The following ELMO1 variants were observed in gnomAD, a reference collection of about 807,000 sequenced individuals.
ELMO1 encodes the protein engulfment and cell motility 1.
A neutral mutation model predicts 98.9 loss-of-function variants in ELMO1; 26 were observed. That is an observed-to-expected ratio of 0.26 (90% confidence interval 0.19 to 0.36). ELMO1 has a LOEUF of 0.36. Ranked by LOEUF, ELMO1 falls within the 10% of genes least tolerant of loss-of-function variation. The pLI is 1.00. For missense variants in ELMO1, 627 were observed against 935.2 expected (o/e 0.67, Z 4.30); for synonymous variants, 346 against 346.0 (o/e 1.00, Z 0.00).
intron 7 of ELMO1, among the ~76,000 whole-genome samples, chr7:37,237,569 C>T (rs943759827): frequency 3.3e-5 from 5 of 152,080 alleles, no homozygotes; most frequent in African/African-American, 4.8e-5. Flanking sequence ...GGATTACAGG[C>T]GTGAACCACC....
chr7:37,448,863 C>G lies in ELMO1; in HGVS notation c.-262G>C, dbSNP rs1267670124. The G allele has an allele frequency of 6.5e-6, 1 of 153,174 alleles. No homozygotes were observed. The highest frequency in any genetic ancestry group is 1.5e-5 in the Non-Finnish European group (1 of 68,824). The allele number at this position is 153,174 out of a possible 1,614,324, so 9.5% of individuals were successfully genotyped here. On this transcript the variant is annotated 5_prime_UTR_variant, in exon 1 of 22. Transcript: ENST00000310758. ...TCGCCCCAGCACACGCACTTACACT[C>G]TGGGTCGGCCGGCTGCTGCACCGCC...
intron 1 of ELMO1, among the ~76,000 whole-genome samples, chr7:37,392,144 T>A (rs10246325): frequency 0.99 from 150,677 of 152,128 alleles, 74,644 homozygotes; most frequent in East Asian, 1. Flanking sequence ...GATGGTAAAC[T>A]TTTTTTTTTA....
chr7:37,414,601 T>A (rs1562676390), intron 1 of ELMO1, among the ~76,000 whole-genome samples: 1 of 152,288 alleles, frequency 6.6e-6, no homozygotes, highest in Non-Finnish European at 1.5e-5. Context: ...CAAAGTCCAA[T>A]CCTGTTTGGC....
intron 16 of ELMO1, among the ~76,000 whole-genome samples, chr7:36,900,401 T>C (rs904555081): frequency 6.6e-6 from 1 of 152,224 alleles, no homozygotes; most frequent in Non-Finnish European, 1.5e-5. Flanking sequence ...ATGGTTGGTA[T>C]GAGCAATGTC....
intron 2 of ELMO1, among the ~76,000 whole-genome samples, chr7:37,333,576 G>C (rs1015520121): frequency 1.6e-4 from 24 of 152,286 alleles, no homozygotes; most frequent in African/African-American, 5.5e-4. Flanking sequence ...TGTTTGCTGT[G>C]TTTTTCTTCA....
chr7:37,118,676 T>C (rs921231381), intron 14 of ELMO1, among the ~76,000 whole-genome samples: 2 of 152,158 alleles, frequency 1.3e-5, no homozygotes, highest in African/African-American at 4.8e-5. Context: ...TTCACAAATG[T>C]TATTACAGAC....
At chr7:37,304,443 C>T (rs906009350) in intron 4 of ELMO1, among the ~76,000 whole-genome samples, 7 of 152,304 alleles carry the variant, frequency 4.6e-5, no homozygotes, top group East Asian at 1.9e-4. Context: ...CGTCTGGGCA[C>T]GGCGGCTCAC....
At chr7:37,403,417 G>A (rs1803614837) in intron 1 of ELMO1, among the ~76,000 whole-genome samples, 1 of 152,198 alleles carries the variant, frequency 6.6e-6, no homozygotes, top group South Asian at 2.1e-4. Context: ...CTGGTTTCCA[G>A]GGGTTTGGAG....
intron 13 of ELMO1, among the ~76,000 whole-genome samples, chr7:37,155,594 T>G (rs925021300): frequency 2.7e-5 from 4 of 150,132 alleles, no homozygotes; most frequent in African/African-American, 9.9e-5. Context: ...TACATAATGG[T>G]AAAGGGATCA....
At chr7:37,238,503 G>C (rs1457866169) in intron 7 of ELMO1, among the ~76,000 whole-genome samples, 2 of 152,104 alleles carry the variant, frequency 1.3e-5, no homozygotes, top group Non-Finnish European at 2.9e-5. Flanking sequence ...TCTATGAATA[G>C]AGGTAGTTTT....
At position 37,342,984 on chromosome 7, in the gene ELMO1, G is replaced by A. The variant is rs1051656022; in HGVS notation, c.-73-221C>T. Reference sequence around the variant, plus strand: ...GTGCCAACGCCCTTGAGTCAAAGCCGCCAGGAGACGCTGCCCTGTGGGGCA... The same window carrying A: ...GTGCCAACGCCCTTGAGTCAAAGCCACCAGGAGACGCTGCCCTGTGGGGCA... On this transcript the variant is annotated intron_variant, in intron 1 of 21. Coordinates refer to ENST00000310758, the MANE Select transcript of ELMO1 (RefSeq NM_014800.11). This position sits in a 1 kb window ranked among gnomAD's most constrained non-coding sequence, Gnocchi z 4.3. 11 of 346,574 alleles carry A rather than the reference G, an allele frequency of 3.2e-5. No individual in the cohort carries two copies. The highest frequency in any genetic ancestry group is 1.1e-4 in the African/African-American group (5 of 46,444). The allele number at this position is 346,574 out of a possible 1,614,324, so 21.5% of individuals were successfully genotyped here.
chr7:37,114,546 T>A (rs988079758), intron 14 of ELMO1, among the ~76,000 whole-genome samples: 5 of 152,046 alleles, frequency 3.3e-5, no homozygotes, highest in African/African-American at 1.2e-4. Flanking sequence ...CATGAAACAG[T>A]TAAATAGCAA....
chr7:37,308,368 G>T (rs1040117560), intron 4 of ELMO1, among the ~76,000 whole-genome samples: 1 of 152,188 alleles, frequency 6.6e-6, no homozygotes, highest in Admixed American at 6.5e-5. Context: ...GACAATCAGG[G>T]CATATGCAAA....
chr7:36,885,593 A>C (rs1175233472), intron 18 of ELMO1, among the ~76,000 whole-genome samples: 5 of 152,182 alleles, frequency 3.3e-5, no homozygotes, highest in African/African-American at 4.8e-5. Flanking sequence ...AAAATCTTAT[A>C]AATCATCTTT....
intron 5 of ELMO1, chr7:37,270,706 T>C (rs1796504231): frequency 6.6e-6 from 1 of 152,176 alleles, no homozygotes; most frequent in East Asian, 1.9e-4. Flanking sequence ...TCAGCTACAA[T>C]AGTCTAAATA....
intron 16 of ELMO1, among the ~76,000 whole-genome samples, chr7:36,921,626 A>G (rs1381190050): frequency 6.6e-6 from 1 of 152,296 alleles, no homozygotes; most frequent in East Asian, 1.9e-4. Context: ...GAGTCAAGTA[A>G]AATTGTGGTT....
chr7:37,030,309 T>G (rs1794809587), intron 15 of ELMO1, among the ~76,000 whole-genome samples: 1 of 152,234 alleles, frequency 6.6e-6, no homozygotes, highest in African/African-American at 2.4e-5. Flanking sequence ...AGATATTTTA[T>G]TTCATTTCTT....
chr7:37,254,934 G>A (rs187271300), intron 6 of ELMO1, among the ~76,000 whole-genome samples: 143 of 152,316 alleles, frequency 9.4e-4, no homozygotes, highest in African/African-American at 3.3e-3. Context: ...TCCTGGGTCT[G>A]AGGAATAGTG....
chr7:37,129,948 G>A (rs1030123009), intron 14 of ELMO1, among the ~76,000 whole-genome samples: 2 of 152,138 alleles, frequency 1.3e-5, no homozygotes, highest in Non-Finnish European at 2.9e-5. Flanking sequence ...GTGGCTCCCT[G>A]AACAAAGCAG....
Sources: allele counts gnomAD v4.1 joint callset (sites outside exome capture counted in the v4.1 genomes callset), GRCh38; gene constraint gnomAD v4.1.1; non-coding constraint Gnocchi (gnomAD v3.1); transcripts MANE v1.5; gene names NCBI Gene and HGNC (gene_info 2026-07-23, HGNC 2026-07-21).